ENOX1: variants seen among roughly 807,000 people sequenced by gnomAD.
The protein encoded by ENOX1 is ecto-NOX disulfide-thiol exchanger 1, also known as candidate growth-related and time keeping constitutive hydroquinone (NADH) oxidase.
ENOX1 carries 42 observed loss-of-function variants against 82.5 expected under a neutral mutation model. That is an observed-to-expected ratio of 0.51 (90% CI 0.40 to 0.66). ENOX1 has a LOEUF of 0.66. ENOX1 is among the 30% of genes least tolerant of loss of function. ENOX1 has a pLI of 0.00. For missense variants in ENOX1, 608 were observed against 811.6 expected (o/e 0.75, Z 3.05); for synonymous variants, 271 against 282.2 (o/e 0.96, Z 0.40).
chr13:43,725,894 G>A (rs920992513), intron 1 of ENOX1, among the ~76,000 whole-genome samples: 1 of 151,834 alleles, frequency 6.6e-6, no homozygotes, highest in Non-Finnish European at 1.5e-5. Flanking sequence ...TTGAGCCCAG[G>A]AGGTGGAGGC....
intron 5 of ENOX1, among the ~76,000 whole-genome samples, chr13:43,405,063 G>GCAAA (rs1479514455): frequency 0.013 from 2,025 of 152,212 alleles, 38 homozygotes; most frequent in African/African-American, 0.045. Flanking sequence ...AAACTTTGCT[G>GCAAA]GTATAAGTAT....
Position 43,213,933 on chromosome 13 carries a change from C to A in ENOX1, c.*57G>T. ...CCCCACACCTCCTGCTTCCCCGTCGCACCGCCCTGGCCAGGTTCACATGGT... is the reference window on the plus strand; with the variant it reads ...CCCCACACCTCCTGCTTCCCCGTCGAACCGCCCTGGCCAGGTTCACATGGT... On this transcript the variant is annotated 3_prime_UTR_variant, in exon 17 of 17. Transcript: ENST00000690772. 3 of 1,574,310 alleles carry A rather than the reference C, an allele frequency of 1.9e-6. No homozygotes were observed. The South Asian group carries it at 3.5e-5, about 18-fold the overall frequency.
intron 8 of ENOX1, among the ~76,000 whole-genome samples, 154 bp downstream of exon 8, chr13:43,355,765 T>TAA (rs910491533): frequency 6.6e-6 from 1 of 152,192 alleles, no homozygotes; most frequent in East Asian, 1.9e-4. Flanking sequence ...CCCAGCTCTG[T>TAA]AAAGAGTCTG....
At chr13:43,346,197 T>C (rs1210951964) in intron 8 of ENOX1, among the ~76,000 whole-genome samples, 1 of 152,190 alleles carries the variant, frequency 6.6e-6, no homozygotes, top group East Asian at 1.9e-4. Context: ...TTCCTTAGCA[T>C]GGCTGCTGCT....
In ENOX1 at chr13:43,763,494, T is replaced by A. The variant is rs183536379; in HGVS notation, c.-285+23158A>T. On this transcript the variant is annotated intron_variant, in intron 1 of 16. Coordinates refer to ENST00000690772, the MANE Select transcript of ENOX1 (RefSeq NM_001347969.2). ...ACACACACATTCAGTCTATAGCAGA[T>A]CTTAATCTAAACATCCCAAATGACA... is the stretch of plus-strand genomic sequence containing the variant. Among the ~76,000 whole-genome samples, 4 of 152,146 alleles carry A rather than the reference T, an allele frequency of 2.6e-5. No homozygotes were observed. The East Asian group carries it at 7.7e-4, about 29-fold the overall frequency.
At position 43,708,645 on chromosome 13, in the gene ENOX1, C is replaced by T. The variant is rs534995765; in HGVS notation, c.-284-41101G>A. 9.9e-5 allele frequency among the ~76,000 whole-genome samples: 15 copies of T among 152,234 alleles called. 1 individual carries two copies. In the East Asian group the frequency reaches 2.7e-3, roughly 27 times the overall value. ...TTTCAACAGAAGCACCAAGGTAATTCAATACAGACAGAAAGTGTGATCTTT... is the reference window on the plus strand; with the variant it reads ...TTTCAACAGAAGCACCAAGGTAATTTAATACAGACAGAAAGTGTGATCTTT... On this transcript the variant is annotated intron_variant, in intron 1 of 16. Transcript: ENST00000690772.
chr13:43,447,531 T>C (rs558697502), intron 3 of ENOX1, among the ~76,000 whole-genome samples: 37 of 152,082 alleles, frequency 2.4e-4, no homozygotes, highest in African/African-American at 8.9e-4. Context: ...TTACATTCCC[T>C]GTCTACTGGA....
At chr13:43,327,732 T>C (rs1468847211) in intron 9 of ENOX1, among the ~76,000 whole-genome samples, 2 of 152,096 alleles carry the variant, frequency 1.3e-5, no homozygotes, top group African/African-American at 4.8e-5. Context: ...CAAAGAGCAA[T>C]AGAGTAATCC....
intron 2 of ENOX1, among the ~76,000 whole-genome samples, chr13:43,627,175 A>T (rs1437766823): frequency 6.6e-6 from 1 of 151,958 alleles, no homozygotes; most frequent in Non-Finnish European, 1.5e-5. Flanking sequence ...ATATGTCATT[A>T]TATCTGATGT....
chr13:43,319,962 A>G (rs1302252487), intron 11 of ENOX1, among the ~76,000 whole-genome samples: 1 of 152,238 alleles, frequency 6.6e-6, no homozygotes, highest in Non-Finnish European at 1.5e-5. Context: ...GTGTCACCCA[A>G]GAAGATACCG....
At position 43,309,124 on chromosome 13, in the gene ENOX1, C is replaced by T. The variant is rs541506544; in HGVS notation, c.1262-10594G>A. On this transcript the variant is annotated intron_variant, in intron 11 of 16. Coordinates refer to ENST00000690772, the MANE Select transcript of ENOX1 (RefSeq NM_001347969.2). The stretch of plus-strand genomic sequence containing the variant: ...GCAACCTCTGCCTCCCGGGCTTACA[C>T]GATTCTCCTGCCTCAGCCTCCCATC... Among the ~76,000 whole-genome samples the T allele has an allele frequency of 9.9e-5, 15 of 151,144 alleles. No individual in the cohort carries two copies. The South Asian group carries it at 2.1e-3, about 21-fold the overall frequency.
chr13:43,623,202 AG>A (rs1177292034), intron 2 of ENOX1, among the ~76,000 whole-genome samples: 3 of 152,066 alleles, frequency 2.0e-5, no homozygotes, highest in Non-Finnish European at 2.9e-5. Flanking sequence ...ACGAAAGAAA[AG>A]GGTTTGGTTT....
chr13:43,305,000 C>G (rs1304878036), intron 11 of ENOX1, among the ~76,000 whole-genome samples: 1 of 152,082 alleles, frequency 6.6e-6, no homozygotes, highest in Non-Finnish European at 1.5e-5. Context: ...TGAACTCTGT[C>G]CCCTGAGTCT....
At chr13:43,552,632 T>G (rs1236464240) in intron 2 of ENOX1, among the ~76,000 whole-genome samples, 1 of 152,138 alleles carries the variant, frequency 6.6e-6, no homozygotes, top group East Asian at 1.9e-4. Context: ...GCCTACATGG[T>G]AGGCACTCCT....
chr13:43,505,116 A>G (rs182702740), intron 2 of ENOX1, among the ~76,000 whole-genome samples: 14 of 151,960 alleles, frequency 9.2e-5, no homozygotes, highest in Admixed American at 8.5e-4. Flanking sequence ...CTTTCAAACA[A>G]CTGTAAAGAG....
rs767775854 is a variant in ENOX1, at chr13:43,630,858, T to TACACACACAC, written c.-219+36620_-219+36621insGTGTGTGTGT. Among the ~76,000 whole-genome samples, 514 of 82,072 alleles carry TACACACACAC rather than the reference T, an allele frequency of 6.3e-3. 7 individuals carry two copies. Among genetic ancestry groups the TACACACACAC allele is most frequent in the East Asian group, 0.023 (60 of 2,620 alleles). 53.8% of individuals were successfully genotyped at this position (82,072 alleles called of 152,430 possible). ...AACCACACACACACATATATATATA[T>TACACACACAC]ATACACACACACACACATATATATA... On this transcript the variant is annotated intron_variant, in intron 2 of 16. Transcript: ENST00000690772.
chr13:43,407,210 G>C (rs988389763), intron 5 of ENOX1, among the ~76,000 whole-genome samples: 3 of 152,188 alleles, frequency 2.0e-5, no homozygotes, highest in East Asian at 1.9e-4. Flanking sequence ...GACAACGTGT[G>C]CCACAGAAAA....
intron 14 of ENOX1, among the ~76,000 whole-genome samples, chr13:43,239,575 T>C (rs543143721): frequency 9.2e-5 from 14 of 152,342 alleles, no homozygotes; most frequent in East Asian, 7.7e-4. Context: ...TAGCATAGCA[T>C]TGAGTGAAGT....
chr13:43,379,357 AT>A (rs1376070667), intron 5 of ENOX1, among the ~76,000 whole-genome samples: 1 of 152,164 alleles, frequency 6.6e-6, no homozygotes, highest in African/African-American at 2.4e-5. Flanking sequence ...GAACAAAAAA[AT>A]AAATAACACA....
Sources: allele counts gnomAD v4.1 joint callset (sites outside exome capture counted in the v4.1 genomes callset), GRCh38; gene constraint gnomAD v4.1.1; transcripts MANE v1.5; gene names NCBI Gene and HGNC (gene_info 2026-07-23, HGNC 2026-07-21).